Variants in MKLN1 observed in about 807,000 individuals in gnomAD.
MKLN1 encodes muskelin 1.
MKLN1 carries 18 observed loss-of-function variants against 99.0 expected under a neutral mutation model. The observed-to-expected ratio is 0.18, with a 90% CI of 0.13 to 0.27. The LOEUF is 0.27. Among genes scored for constraint, MKLN1 ranks in the 10% least tolerant of loss-of-function variants. The probability of loss-of-function intolerance (pLI) is 1.00; values close to 1 mark genes in which losing one functional copy is unlikely to be tolerated. For synonymous variants in MKLN1, 288 were observed against 293.2 expected, an observed-to-expected ratio of 0.98 and a Z score of 0.18; for missense variants, 621 against 875.9, an observed-to-expected ratio of 0.71 and a Z score of 3.67.
At chr7:131,392,614 T>G (rs1228934667) in intron 4 of MKLN1, among the ~76,000 whole-genome samples, 1 of 151,544 alleles carries the variant, frequency 6.6e-6, no homozygotes, top group Non-Finnish European at 1.5e-5. Flanking sequence ...TTTTTTTTTT[T>G]TTTTTGGGAG....
chr7:131,173,434 C>A (rs1038802568), intron 2 of MKLN1, among the ~76,000 whole-genome samples: 1 of 152,128 alleles, frequency 6.6e-6, no homozygotes, highest in East Asian at 1.9e-4. Context: ...AAAACATAGT[C>A]TTGGCCGGGC....
chr7:131,180,599 C>A (rs910490813), intron 2 of MKLN1, among the ~76,000 whole-genome samples: 2 of 150,980 alleles, frequency 1.3e-5, no homozygotes, highest in African/African-American at 2.4e-5. Flanking sequence ...CTCAGGAGAC[C>A]GAGGCAGGAG....
At chr7:131,202,146 C>CTT (rs58800874) in intron 2 of MKLN1, among the ~76,000 whole-genome samples, 816 of 60,226 alleles carry the variant, frequency 0.014, 106 homozygotes, top group Middle Eastern at 0.021. Context: ...GCACTATTGA[C>CTT]TTTTTTTTTT....
intron 1 of MKLN1, among the ~76,000 whole-genome samples, chr7:131,140,306 C>T (rs994878323): frequency 1.3e-5 from 2 of 152,188 alleles, no homozygotes; most frequent in African/African-American, 4.8e-5. Context: ...TCACTGGCTA[C>T]ACCTTCTCGC....
intron 1 of MKLN1, among the ~76,000 whole-genome samples, chr7:131,137,784 A>G (rs902435934): frequency 2.0e-5 from 3 of 152,112 alleles, no homozygotes; most frequent in African/African-American, 7.2e-5. Flanking sequence ...CATGTTGGCC[A>G]GGCTGGTCTT....
intron 6 of MKLN1, among the ~76,000 whole-genome samples, chr7:131,406,506 C>CA (rs1258219885): frequency 6.6e-6 from 1 of 151,910 alleles, no homozygotes; most frequent in African/African-American, 2.4e-5. Flanking sequence ...ATACCATGTT[C>CA]AAAGACCCTA....
intron 8 of MKLN1, among the ~76,000 whole-genome samples, chr7:131,422,014 C>G (rs532729673): frequency 6.6e-6 from 1 of 152,146 alleles, no homozygotes; most frequent in Admixed American, 6.5e-5. Context: ...TGAAGAATAA[C>G]TTTCTCTAAG....
chr7:131,315,530 G>A (rs1360420835), intron 3 of MKLN1, among the ~76,000 whole-genome samples: 1 of 152,164 alleles, frequency 6.6e-6, no homozygotes, highest in African/African-American at 2.4e-5. Context: ...AGTGGCGCCT[G>A]GAACCCCAGT....
At chr7:131,292,825 A>G (rs1208985213) in intron 3 of MKLN1, among the ~76,000 whole-genome samples, 1 of 152,204 alleles carries the variant, frequency 6.6e-6, no homozygotes, top group East Asian at 1.9e-4. Flanking sequence ...ACAGTGCACC[A>G]AAGCATCATC....
At chr7:131,443,077 G>A (rs1272263967) in intron 10 of MKLN1, among the ~76,000 whole-genome samples, 6 of 152,144 alleles carry the variant, frequency 3.9e-5, no homozygotes, top group Non-Finnish European at 5.9e-5. Context: ...TTGCATATCT[G>A]ATCGCTTAGT....
At chr7:131,457,292 A>G (rs1057497916) in intron 12 of MKLN1, among the ~76,000 whole-genome samples, 1 of 151,828 alleles carries the variant, frequency 6.6e-6, no homozygotes, top group Non-Finnish European at 1.5e-5. Flanking sequence ...AAAAAAAAAG[A>G]TGAACCAAGA....
chr7:131,462,023 A>T (rs1180651513), intron 12 of MKLN1, among the ~76,000 whole-genome samples: 1 of 152,048 alleles, frequency 6.6e-6, no homozygotes, highest in Non-Finnish European at 1.5e-5. Context: ...ATACCCCAGA[A>T]TTTTTATTTA....
chr7:131,466,035 G>A (rs1796652735), intron 14 of MKLN1, among the ~76,000 whole-genome samples: 1 of 152,078 alleles, frequency 6.6e-6, no homozygotes, highest in South Asian at 2.1e-4. Flanking sequence ...ACCTTCCACT[G>A]TCATTGTAGT....
rs556873207 is a variant in MKLN1, at chr7:131,354,931, G to A, written c.99-20493G>A. Among the ~76,000 whole-genome samples the A allele has an allele frequency of 2.6e-4, 40 of 152,000 alleles. No individual in the cohort carries two copies. The East Asian group carries it at 7.1e-3, about 27-fold the overall frequency. On this transcript the variant is annotated intron_variant, in intron 1 of 17. Coordinates refer to ENST00000352689, the MANE Select transcript of MKLN1 (RefSeq NM_013255.5). ...TCATTTATTAAATTTTATGTGCTTTGTTCTATTTATTTTTATTTTTAAATT... is the reference window on the plus strand; with the variant it reads ...TCATTTATTAAATTTTATGTGCTTTATTCTATTTATTTTTATTTTTAAATT...
chr7:131,417,489 T>G (rs1795053502), intron 8 of MKLN1, among the ~76,000 whole-genome samples: 1 of 152,218 alleles, frequency 6.6e-6, no homozygotes, highest in African/African-American at 2.4e-5. Flanking sequence ...GCTCAAGTTC[T>G]CATGCTTTTC....
intron 3 of MKLN1, among the ~76,000 whole-genome samples, chr7:131,227,209 C>T (rs971549831): frequency 2.6e-5 from 4 of 152,200 alleles, no homozygotes; most frequent in East Asian, 1.9e-4. Flanking sequence ...CTTATCAGAA[C>T]GTTCTTCCAG....
At chr7:131,275,565 ATATTTTTTTTT>A (rs1282615703) in intron 3 of MKLN1, among the ~76,000 whole-genome samples, 27 of 6,598 alleles carry the variant, frequency 4.1e-3, no homozygotes, top group African/African-American at 0.014. Flanking sequence ...ATATATATAT[ATATTTTTTTTT>A]TTTTTTTTTT....
At chr7:131,258,000 C>T (rs539873246) in intron 3 of MKLN1, among the ~76,000 whole-genome samples, 2 of 151,726 alleles carry the variant, frequency 1.3e-5, no homozygotes, top group Admixed American at 6.6e-5. Flanking sequence ...GTGTTCCTGT[C>T]GTCCCAGCTA....
At chr7:131,177,757 A>G (rs1190427537) in intron 2 of MKLN1, among the ~76,000 whole-genome samples, 1 of 152,198 alleles carries the variant, frequency 6.6e-6, no homozygotes, top group Non-Finnish European at 1.5e-5. Flanking sequence ...TAACTTGTAT[A>G]TCTTTGTCAC....
Sources: gnomAD v4.1 joint callset for allele counts (sites outside exome capture counted in the v4.1 genomes callset) on GRCh38, gnomAD v4.1.1 for gene constraint, MANE v1.5 for transcripts, NCBI Gene and HGNC (gene_info 2026-07-23, HGNC 2026-07-21) for gene names.